Variants in CTNNA2 observed in about 807,000 individuals in gnomAD.
CTNNA2 encodes catenin alpha 2.
CTNNA2 carries 42 observed loss-of-function variants against 101.0 expected under a neutral mutation model. The observed-to-expected ratio is 0.42, with a 90% CI of 0.32 to 0.54. The LOEUF is 0.54. CTNNA2 is among the 20% of genes least tolerant of loss of function. The pLI, the probability that CTNNA2 is intolerant of heterozygous loss-of-function variation, is 0.14. For missense variants in CTNNA2, 871 were observed against 1,223.1 expected (o/e 0.71, Z 4.29); for synonymous variants, 450 against 456.4 (o/e 0.99, Z 0.18).
At chr2:80,563,162 T>A (rs3770313) in intron 12 of CTNNA2, among the ~76,000 whole-genome samples, 1 of 151,862 alleles carries the variant, frequency 6.6e-6, no homozygotes, top group African/African-American at 2.4e-5. Context: ...GACCAGCATC[T>A]GTGGTAATGG....
chr2:80,354,247 G>C (rs764616916), intron 7 of CTNNA2, among the ~76,000 whole-genome samples: 3 of 152,138 alleles, frequency 2.0e-5, no homozygotes, highest in Non-Finnish European at 4.4e-5. Flanking sequence ...GAGAATATCA[G>C]GGGATGGAAT....
At chr2:80,549,571 C>CT (rs2149642604) in intron 11 of CTNNA2, among the ~76,000 whole-genome samples, 1 of 152,244 alleles carries the variant, frequency 6.6e-6, no homozygotes, top group East Asian at 1.9e-4. Flanking sequence ...AAATACCACA[C>CT]TTGATATTAG....
At chr2:80,268,861 C>T (rs76005347) in intron 7 of CTNNA2, among the ~76,000 whole-genome samples, 132 of 152,292 alleles carry the variant, frequency 8.7e-4, no homozygotes, top group Admixed American at 2.4e-3. Flanking sequence ...CTGATAAACA[C>T]ACCCAGAATC....
At chr2:79,780,606 A>G (rs1333641498) in intron 3 of CTNNA2, among the ~76,000 whole-genome samples, 1 of 152,204 alleles carries the variant, frequency 6.6e-6, no homozygotes, top group Non-Finnish European at 1.5e-5. Context: ...ACCACCATTT[A>G]GTCTACTTTA....
intron 4 of CTNNA2, among the ~76,000 whole-genome samples, chr2:79,443,709 A>T (rs1361885009): frequency 2.0e-5 from 3 of 152,090 alleles, no homozygotes; most frequent in Non-Finnish European, 2.9e-5. Flanking sequence ...AAGAAAAAAA[A>T]ATATACTTGC....
At chr2:79,514,285 C>T (rs1270737709) in intron 1 of CTNNA2, among the ~76,000 whole-genome samples, 1 of 152,170 alleles carries the variant, frequency 6.6e-6, no homozygotes, top group Non-Finnish European at 1.5e-5. Flanking sequence ...AGGTTATACT[C>T]CACAGGCTTG....
intron 7 of CTNNA2, among the ~76,000 whole-genome samples, chr2:80,181,733 G>T (rs140842434): frequency 6.6e-6 from 1 of 152,188 alleles, no homozygotes; most frequent in Non-Finnish European, 1.5e-5. Context: ...TATGGTCAAA[G>T]GTATTATGTA....
chr2:79,359,789 T>C (rs184861188), intron 3 of CTNNA2, among the ~76,000 whole-genome samples: 2 of 125,872 alleles, frequency 1.6e-5, no homozygotes, highest in African/African-American at 2.6e-5. Flanking sequence ...AGTCTGAAGG[T>C]TTTTTTTTTC....
At chr2:79,438,429 A>T (rs1269435530) in intron 4 of CTNNA2, among the ~76,000 whole-genome samples, 1 of 152,214 alleles carries the variant, frequency 6.6e-6, no homozygotes, top group Non-Finnish European at 1.5e-5. Flanking sequence ...TGAAAGAGCA[A>T]CATCTACATT....
chr2:80,308,728 G>T (rs1167816188), intron 7 of CTNNA2, among the ~76,000 whole-genome samples: 1 of 152,092 alleles, frequency 6.6e-6, no homozygotes, highest in Non-Finnish European at 1.5e-5. Flanking sequence ...TATGAATGAT[G>T]TAAATGATGA....
At chr2:79,767,865 G>T (rs1312923679) in intron 3 of CTNNA2, among the ~76,000 whole-genome samples, 1 of 151,342 alleles carries the variant, frequency 6.6e-6, no homozygotes, top group African/African-American at 2.4e-5. Context: ...GAAGGAAGGG[G>T]TCTCTCTTGG....
intron 7 of CTNNA2, among the ~76,000 whole-genome samples, chr2:79,974,513 T>A (rs1326669516): frequency 2.6e-5 from 4 of 152,174 alleles, no homozygotes; most frequent in Non-Finnish European, 5.9e-5. Context: ...CTGACCACAT[T>A]TAAGTAAAGT....
intron 3 of CTNNA2, among the ~76,000 whole-genome samples, chr2:79,762,102 T>G (rs1379707422): frequency 6.6e-6 from 1 of 152,158 alleles, no homozygotes. Context: ...TAATCTTTGG[T>G]CTTAATTTCT....
intron 2 of CTNNA2, among the ~76,000 whole-genome samples, chr2:79,268,531 G>T (rs1400355426): frequency 3.9e-5 from 6 of 152,136 alleles, no homozygotes; most frequent in Non-Finnish European, 5.9e-5. Context: ...AACTCAAGAG[G>T]GGGTGAGGGG....
At position 80,302,917 on chromosome 2, in the gene CTNNA2, G is replaced by A. The variant is rs1676495532; in HGVS notation, c.1057-90294G>A. On this transcript the variant is annotated intron_variant, in intron 7 of 18. Coordinates refer to ENST00000402739, the MANE Select transcript of CTNNA2 (RefSeq NM_001282597.3). This position sits in a 1 kb window ranked among gnomAD's most constrained non-coding sequence, Gnocchi z 6.4. ...TGATGCTTGTCAGGGACTTCCAAGA[G>A]TTGAGGATCCGGGGCTCGATGTAGG... 6.2e-7 allele frequency: 1 copy of A among 1,613,994 alleles called. No homozygotes were observed. Among genetic ancestry groups the A allele is most frequent in the African/African-American group, 1.3e-5 (1 of 74,898 alleles).
At chr2:80,289,649 T>G (rs1675065999) in intron 7 of CTNNA2, among the ~76,000 whole-genome samples, 1 of 152,174 alleles carries the variant, frequency 6.6e-6, no homozygotes, top group South Asian at 2.1e-4. Flanking sequence ...GCACATGCTC[T>G]CTGATAATCT....
At chr2:80,355,222 A>G (rs995755664) in intron 7 of CTNNA2, among the ~76,000 whole-genome samples, 2 of 152,134 alleles carry the variant, frequency 1.3e-5, no homozygotes, top group African/African-American at 2.4e-5. Flanking sequence ...ATTCTCAGCT[A>G]AAAAGCAAAA....
chr2:79,623,974 T>C (rs1679149505), intron 1 of CTNNA2, among the ~76,000 whole-genome samples: 1 of 152,154 alleles, frequency 6.6e-6, no homozygotes. Flanking sequence ...TTGAGTCATA[T>C]GGAAGACATC....
intron 7 of CTNNA2, among the ~76,000 whole-genome samples, chr2:80,353,002 G>C (rs1169606241): frequency 6.6e-6 from 1 of 152,038 alleles, no homozygotes. Context: ...ACATGTATCA[G>C]TGCTTGAGAA....
Sources: allele counts gnomAD v4.1 joint callset (sites outside exome capture counted in the v4.1 genomes callset), GRCh38; gene constraint gnomAD v4.1.1; non-coding constraint Gnocchi (gnomAD v3.1); transcripts MANE v1.5; gene names NCBI Gene and HGNC (gene_info 2026-07-23, HGNC 2026-07-21).